The following TRIO variants were observed in gnomAD, a reference collection of about 807,000 sequenced individuals.
TRIO encodes triple functional domain protein.
In TRIO, 58 loss-of-function variants were observed where a neutral mutation model predicts 351.9. That is an observed-to-expected ratio of 0.16 (90% CI 0.13 to 0.21). The LOEUF is 0.21. Ranked by LOEUF, TRIO falls within the 10% of genes least tolerant of loss-of-function variation. The probability of loss-of-function intolerance (pLI) is 1.00; values close to 1 mark genes in which losing one functional copy is unlikely to be tolerated. For synonymous variants in TRIO, 1,758 were observed against 1,595.7 expected (o/e 1.10, Z -2.42); for missense variants, 3,201 against 4,027.8 (o/e 0.79, Z 5.56).
intron 17 of TRIO, 92 bp from the exon 18 acceptor site, chr5:14,369,282 C>T (rs535390829): frequency 1.6e-5 from 24 of 1,488,238 alleles, no homozygotes; most frequent in Non-Finnish European, 2.1e-5. Flanking sequence ...ACAGCATCTT[C>T]ATCCCCAGAG....
intron 3 of TRIO, among the ~76,000 whole-genome samples, chr5:14,285,898 G>A (rs1245688963): frequency 1.3e-5 from 2 of 152,168 alleles, no homozygotes; most frequent in African/African-American, 4.8e-5. Context: ...AGTGAGGGTT[G>A]CAGTTGTTCC....
In TRIO at chr5:14,209,152, C is replaced by T. The variant is rs377713088; in HGVS notation, c.158-61673C>T. 2.6e-5 allele frequency among the ~76,000 whole-genome samples: 4 copies of T among 152,354 alleles called. No individual in the cohort carries two copies. In the East Asian group the frequency reaches 5.8e-4, roughly 22 times the overall value. ...ACTGAGGGCTAGTGCCGATAACTTA[C>T]AGGTCTCAGAGCCAGTAGGTCCCAT... On this transcript the variant is annotated intron_variant, in intron 1 of 56. Coordinates refer to ENST00000344204, the MANE Select transcript of TRIO (RefSeq NM_007118.4).
intron 34 of TRIO, among the ~76,000 whole-genome samples, chr5:14,434,679 G>A (rs796946475): frequency 2.6e-5 from 4 of 152,248 alleles, no homozygotes; most frequent in African/African-American, 9.6e-5. Flanking sequence ...CCTGGATTTT[G>A]CTTTCATGTC....
intron 1 of TRIO, among the ~76,000 whole-genome samples, chr5:14,154,731 G>A (rs1788009656): frequency 6.6e-6 from 1 of 152,134 alleles, no homozygotes. Flanking sequence ...GTGACTCCAC[G>A]TTTACTTTGG....
At position 14,290,991 on chromosome 5, in the gene TRIO, C is replaced by G; in HGVS notation, c.816C>G (p.Ile272Met). 3 of 1,614,166 alleles carry G rather than the reference C, an allele frequency of 1.9e-6. No homozygotes were observed. The highest frequency in any genetic ancestry group is 2.5e-6 in the Non-Finnish European group (3 of 1,180,022). Reference protein sequence around the residue: ...QLKKKVIKAPIEDLDLEGQKL... With the variant: ...QLKKKVIKAPMEDLDLEGQKL... ...AGAAGAAGGTGATTAAGGCCCCCAT[C>G]GAGGACCTGGATTTGGAGGGACAGA... Residue 272 changes from isoleucine (I) to methionine (M), a missense_variant, in exon 5 of 57, where the codon ATC becomes ATG. Physicochemically the swap from Ile to Met is conservative, Grantham distance 10 (BLOSUM62 1). This residue lies in a region of TRIO where 349 missense variants were observed against 449.3 expected (regional missense o/e 0.78). Coordinates refer to ENST00000344204, the MANE Select transcript of TRIO (RefSeq NM_007118.4).
intron 34 of TRIO, among the ~76,000 whole-genome samples, chr5:14,444,472 A>G (rs1387850787): frequency 6.6e-6 from 1 of 152,196 alleles, no homozygotes; most frequent in Non-Finnish European, 1.5e-5. Context: ...GCAGTATAGG[A>G]TAGTGGGAAT....
chr5:14,350,569 C>G (rs1275077891), intron 11 of TRIO, among the ~76,000 whole-genome samples: 7 of 152,264 alleles, frequency 4.6e-5, no homozygotes, highest in Non-Finnish European at 8.8e-5. Context: ...CTTATCTGTA[C>G]TCAGTCTCGC....
chr5:14,294,317 A>C (rs1581550885), intron 6 of TRIO, among the ~76,000 whole-genome samples: 2 of 152,256 alleles, frequency 1.3e-5, no homozygotes, highest in African/African-American at 4.8e-5. Context: ...AAGATTTTGC[A>C]ATATAATTTT....
At chr5:14,335,994 A>C (rs1308228788) in intron 10 of TRIO, among the ~76,000 whole-genome samples, 1 of 152,198 alleles carries the variant, frequency 6.6e-6, no homozygotes, top group African/African-American at 2.4e-5. Flanking sequence ...AAAAATAAAA[A>C]ATATATAGCC....
chr5:14,341,775 G>C (rs1172782980), intron 11 of TRIO, among the ~76,000 whole-genome samples: 1 of 152,180 alleles, frequency 6.6e-6, no homozygotes, highest in Non-Finnish European at 1.5e-5. Context: ...AATTGATTCA[G>C]TTCCATTGCA....
intron 3 of TRIO, among the ~76,000 whole-genome samples, chr5:14,284,688 C>T (rs1736292776): frequency 6.6e-6 from 1 of 152,072 alleles, no homozygotes; most frequent in African/African-American, 2.4e-5. Flanking sequence ...CTGTGTAAGG[C>T]CATGTTAGGA....
At chr5:14,454,600 G>A (rs1463908747) in intron 34 of TRIO, among the ~76,000 whole-genome samples, 1 of 152,214 alleles carries the variant, frequency 6.6e-6, no homozygotes, top group Non-Finnish European at 1.5e-5. Context: ...TCACCTGTTT[G>A]TCATTTATTC....
intron 52 of TRIO, 75 bp downstream of exon 52, chr5:14,498,326 C>T (rs559763442): frequency 6.4e-7 from 1 of 1,571,640 alleles, no homozygotes; most frequent in South Asian, 1.1e-5. Flanking sequence ...GGAAATTCCT[C>T]CTTCACGGAT....
At chr5:14,414,750 G>A (rs993201003) in intron 33 of TRIO, among the ~76,000 whole-genome samples, 14 of 152,142 alleles carry the variant, frequency 9.2e-5, no homozygotes, top group African/African-American at 3.4e-4. Context: ...ACTCTAAGTG[G>A]CAGATTTTAG....
chr5:14,159,321 CAAAAAA>C (rs34735917), intron 1 of TRIO, among the ~76,000 whole-genome samples: 25 of 140,446 alleles, frequency 1.8e-4, no homozygotes, highest in Non-Finnish European at 3.1e-4. Context: ...AAATCGCAGT[CAAAAAA>C]AAAAAAAAAG....
At chr5:14,335,664 C>A (rs897008427) in intron 10 of TRIO, among the ~76,000 whole-genome samples, 1 of 152,204 alleles carries the variant, frequency 6.6e-6, no homozygotes, top group Non-Finnish European at 1.5e-5. Context: ...GTTATTATTT[C>A]CTTTTTCTCA....
intron 2 of TRIO, among the ~76,000 whole-genome samples, chr5:14,276,902 A>G (rs1341057118): frequency 6.6e-6 from 1 of 152,182 alleles, no homozygotes; most frequent in Non-Finnish European, 1.5e-5. Context: ...GGTTTAAGGA[A>G]ATAAGTGTCA....
chr5:14,330,268 T>G (rs1189704134), intron 9 of TRIO, among the ~76,000 whole-genome samples: 1 of 152,204 alleles, frequency 6.6e-6, no homozygotes, highest in Non-Finnish European at 1.5e-5. Flanking sequence ...TTATCCAAGC[T>G]CAAGACTGAG....
At chr5:14,413,966 C>T (rs948645669) in intron 33 of TRIO, among the ~76,000 whole-genome samples, 1 of 152,168 alleles carries the variant, frequency 6.6e-6, no homozygotes, top group African/African-American at 2.4e-5. Context: ...CGTTAGATCT[C>T]AGATCATTGT....
Sources: allele counts gnomAD v4.1 joint callset (sites outside exome capture counted in the v4.1 genomes callset), GRCh38; gene constraint gnomAD v4.1.1; regional missense constraint gnomAD v4.1.1; transcripts MANE v1.5; gene names NCBI Gene and HGNC (gene_info 2026-07-23, HGNC 2026-07-21).